OSBPL6: variants seen among roughly 807,000 people sequenced by gnomAD.
The protein encoded by OSBPL6 is oxysterol-binding protein-related protein 6.
Under a neutral mutation model 125.8 loss-of-function variants are expected in OSBPL6, and 49 were observed. The observed-to-expected ratio is 0.39, with a 90% CI of 0.31 to 0.49. OSBPL6 has a LOEUF of 0.49. OSBPL6 is among the 20% of genes least tolerant of loss of function. The probability of loss-of-function intolerance (pLI) is 0.88; values close to 1 mark genes in which losing one functional copy is unlikely to be tolerated. For missense variants in OSBPL6, 986 were observed against 1,135.4 expected (o/e 0.87, Z 1.89); for synonymous variants, 394 against 391.8 (o/e 1.01, Z -0.07).
intron 21 of OSBPL6, among the ~76,000 whole-genome samples, chr2:178,390,865 A>G (rs1013394184): frequency 1.3e-5 from 2 of 152,230 alleles, no homozygotes; most frequent in Non-Finnish European, 2.9e-5. Context: ...CTACCATGTT[A>G]TGCGTGGAAT....
chr2:178,299,506 CT>C (rs1041628308), intron 2 of OSBPL6, among the ~76,000 whole-genome samples: 3 of 148,330 alleles, frequency 2.0e-5, no homozygotes, highest in Admixed American at 6.9e-5. Flanking sequence ...GATGAACTTA[CT>C]TTTTTTCTTT....
At chr2:178,239,068 C>T (rs1435098748) in intron 1 of OSBPL6, among the ~76,000 whole-genome samples, 2 of 152,170 alleles carry the variant, frequency 1.3e-5, no homozygotes, top group African/African-American at 4.8e-5. Context: ...AAAGTTCTCA[C>T]CTTCCCTTCT....
At position 178,299,325 on chromosome 2, in the gene OSBPL6, C is replaced by T. The variant is rs1041935774; in HGVS notation, c.-155-6705C>T. Among the ~76,000 whole-genome samples, 4 of 152,072 alleles carry T rather than the reference C, an allele frequency of 2.6e-5. No homozygotes were observed. In the South Asian group the frequency reaches 8.3e-4, roughly 32 times the overall value. On this transcript the variant is annotated intron_variant, in intron 2 of 24. Coordinates refer to ENST00000190611, the MANE Select transcript of OSBPL6 (RefSeq NM_032523.4). ...CTGATATTTTTAAGATCCTTTTTGT[C>T]GTTGCATAGACTAGTTTCTAGAATT...
At chr2:178,373,664 A>T (rs889809998) in intron 14 of OSBPL6, among the ~76,000 whole-genome samples, 1 of 152,244 alleles carries the variant, frequency 6.6e-6, no homozygotes, top group Non-Finnish European at 1.5e-5. Context: ...TCAAAGATTT[A>T]AAATCAAGGC....
At chr2:178,199,797 T>C (rs757563446) in intron 1 of OSBPL6, among the ~76,000 whole-genome samples, 6 of 152,212 alleles carry the variant, frequency 3.9e-5, no homozygotes, top group African/African-American at 9.6e-5. Flanking sequence ...TTTGAAATGC[T>C]AATTATAGTT....
chr2:178,225,609 G>A (rs2090529781), intron 1 of OSBPL6, among the ~76,000 whole-genome samples: 1 of 152,156 alleles, frequency 6.6e-6, no homozygotes, highest in African/African-American at 2.4e-5. Flanking sequence ...ACATACCCGA[G>A]ACTGGGCAAT....
intron 3 of OSBPL6, among the ~76,000 whole-genome samples, chr2:178,315,436 A>G (rs1410993101): frequency 6.6e-6 from 1 of 152,232 alleles, no homozygotes; most frequent in Non-Finnish European, 1.5e-5. Context: ...TGTAGTAAAT[A>G]TGACAAAAGT....
At chr2:178,336,460 G>T in intron 9 of OSBPL6, 27 bp downstream of exon 9, 2 of 1,608,988 alleles carry the variant, frequency 1.2e-6, no homozygotes, top group Non-Finnish European at 1.7e-6. Context: ...TGTGGCCTGA[G>T]AGTAAGCCAA....
chr2:178,292,668 T>G lies in OSBPL6; in HGVS notation c.-156+7547T>G, dbSNP rs549931521. On this transcript the variant is annotated intron_variant, in intron 2 of 24. Coordinates refer to ENST00000190611, the MANE Select transcript of OSBPL6 (RefSeq NM_032523.4). ...CCATTCATTCATCCAGCAAAGTCTA[T>G]TGAGTGTCCACTCAGTATCCTCCAG... Among the ~76,000 whole-genome samples the G allele has an allele frequency of 3.9e-5, 6 of 152,254 alleles. No homozygotes were observed. In the South Asian group the frequency reaches 1.2e-3, roughly 32 times the overall value.
At chr2:178,387,820 A>G (rs145909820) in intron 20 of OSBPL6, among the ~76,000 whole-genome samples, 3 of 151,980 alleles carry the variant, frequency 2.0e-5, no homozygotes, top group Non-Finnish European at 4.4e-5. Flanking sequence ...CTGGCTAACA[A>G]GGTGAAACCC....
intron 2 of OSBPL6, among the ~76,000 whole-genome samples, chr2:178,305,527 A>T (rs1189516500): frequency 6.6e-6 from 1 of 152,214 alleles, no homozygotes; most frequent in Admixed American, 6.5e-5. Context: ...ATAAATGTGG[A>T]TATATGTATT....
rs1694726646 is a variant in OSBPL6, at chr2:178,384,082, A to G, written c.1919A>G (p.Tyr640Cys). 6.2e-7 allele frequency: 1 copy of G among 1,614,074 alleles called. No homozygotes were observed. The highest frequency in any genetic ancestry group is 8.5e-7 in the Non-Finnish European group (1 of 1,179,948). ...GCAGTTTCAGGATACTGCTCCACCT[A>G]TTTCAGAGCAGGAAGTAAGCCATTC... is the stretch of plus-strand genomic sequence containing the variant. ...AFAVSGYCST[Y>C]FRAGSKPFNP... is the part of the protein sequence containing the mutation. Residue 640 changes from tyrosine (Y) to cysteine (C), a missense_variant, in exon 18 of 25, where the codon TAT becomes TGT. Around this residue, in one of 3 missense-constraint regions of OSBPL6, gnomAD observed 843 missense variants for 997.3 expected, o/e 0.85. Coordinates refer to ENST00000190611, the MANE Select transcript of OSBPL6 (RefSeq NM_032523.4).
chr2:178,201,567 A>G (rs1424473807), intron 1 of OSBPL6, among the ~76,000 whole-genome samples: 3 of 152,196 alleles, frequency 2.0e-5, no homozygotes, highest in Admixed American at 6.5e-5. Context: ...GTGGCTCAAT[A>G]TCTAAGACTT....
At chr2:178,233,223 T>C (rs73975821) in intron 1 of OSBPL6, among the ~76,000 whole-genome samples, 2 of 152,360 alleles carry the variant, frequency 1.3e-5, no homozygotes, top group African/African-American at 4.8e-5. Context: ...GGAATTTGCT[T>C]CTTCCCCTTT....
chr2:178,246,392 T>C (rs528842526), intron 1 of OSBPL6, among the ~76,000 whole-genome samples: 1 of 152,320 alleles, frequency 6.6e-6, no homozygotes, highest in South Asian at 2.1e-4. Context: ...GGCTGCACTC[T>C]TTCTGCTTCT....
chr2:178,359,593 A>G (rs1040916977), intron 12 of OSBPL6, among the ~76,000 whole-genome samples: 2 of 152,242 alleles, frequency 1.3e-5, no homozygotes, highest in African/African-American at 4.8e-5. Context: ...TTGTAAAGTT[A>G]TCTGCACTCA....
chr2:178,315,333 C>T (rs1196434659), intron 3 of OSBPL6, among the ~76,000 whole-genome samples: 1 of 152,120 alleles, frequency 6.6e-6, no homozygotes, highest in African/African-American at 2.4e-5. Context: ...GAAATTGAGA[C>T]CACTAGAAAG....
intron 1 of OSBPL6, among the ~76,000 whole-genome samples, chr2:178,200,469 C>A (rs1031696242): frequency 5.3e-5 from 8 of 151,954 alleles, no homozygotes; most frequent in African/African-American, 1.9e-4. Flanking sequence ...CCAGACTCGT[C>A]CTGAACTCCT....
At chr2:178,374,952 A>T (rs6710060) in intron 15 of OSBPL6, among the ~76,000 whole-genome samples, 84,706 of 151,386 alleles carry the variant, frequency 0.56, 24,048 homozygotes, top group East Asian at 0.88. Flanking sequence ...TATCAGATAC[A>T]GAATTTGTCA....
Sources: allele counts gnomAD v4.1 joint callset (sites outside exome capture counted in the v4.1 genomes callset), GRCh38; gene constraint gnomAD v4.1.1; regional missense constraint gnomAD v4.1.1; transcripts MANE v1.5; gene names NCBI Gene and HGNC (gene_info 2026-07-23, HGNC 2026-07-21).